The following KIAA0930 variants were observed in gnomAD, a reference collection of about 807,000 sequenced individuals.
KIAA0930 encodes the protein KIAA0930.
Under a neutral mutation model 43.9 loss-of-function variants are expected in KIAA0930, and 24 were observed. That is an observed-to-expected ratio of 0.55 (90% CI 0.40 to 0.77). The LOEUF is 0.77. KIAA0930 is among the 30% of genes least tolerant of loss of function. KIAA0930 has a pLI of 0.00. For missense variants in KIAA0930, 461 were observed against 574.2 expected, an observed-to-expected ratio of 0.80 and a Z score of 2.02; for synonymous variants, 259 against 216.4, an observed-to-expected ratio of 1.20 and a Z score of -1.73.
intron 1 of KIAA0930, among the ~76,000 whole-genome samples, chr22:45,218,114 C>T (rs527429953): frequency 1.3e-5 from 2 of 152,140 alleles, no homozygotes; most frequent in Non-Finnish European, 2.9e-5. Flanking sequence ...GAGCGAGGAA[C>T]GTGATGACAG....
Position 45,237,365 on chromosome 22 carries a change from C to T in KIAA0930, c.64+3275G>A, listed in dbSNP as rs538210140. Among the ~76,000 whole-genome samples the T allele has an allele frequency of 4.5e-4, 68 of 152,284 alleles. 3 individuals are homozygous for T. The highest frequency in any genetic ancestry group is 1.5e-3 in the African/African-American group (62 of 41,592). ...GGGATCAGGGCCCAACACTCCCGCC[C>T]CCTCTCAGTACAGAGCAAGTGCTCA... On this transcript the variant is annotated intron_variant, in intron 1 of 9. Transcript: ENST00000336156.
In KIAA0930 at chr22:45,203,838, C is replaced by T. The variant is rs918237449; in HGVS notation, c.657+7G>A. On this transcript the variant is annotated splice_region_variant and intron_variant, in intron 6 of 9. Coordinates refer to ENST00000336156, the MANE Select transcript of KIAA0930 (RefSeq NM_001009880.2). Reference sequence around the variant, plus strand: ...GAAGAACACCCGTGAGGCCGCCCCGCACTCACCCGGTTGTCATACACCTTC... The same window carrying T: ...GAAGAACACCCGTGAGGCCGCCCCGTACTCACCCGGTTGTCATACACCTTC... 3.7e-6 allele frequency: 6 copies of T among 1,613,516 alleles called. No homozygotes were observed. Among genetic ancestry groups the T allele is most frequent in the Non-Finnish European group, 4.2e-6 (5 of 1,179,758 alleles).
At chr22:45,218,333 ATTTTTTTTTTTT>A (rs752298111) in intron 1 of KIAA0930, among the ~76,000 whole-genome samples, 2 of 51,706 alleles carry the variant, frequency 3.9e-5, no homozygotes, top group Middle Eastern at 0.02. Flanking sequence ...AATTTTTTTG[ATTTTTTTTTTTT>A]TTTTTTTTTT....
intron 2 of KIAA0930, 96 bp downstream of exon 2, chr22:45,211,860 A>G: frequency 8.1e-7 from 1 of 1,228,384 alleles, no homozygotes; most frequent in Admixed American, 2.0e-5. Flanking sequence ...TTTGATATGC[A>G]TGAGCACTGT....
intron 2 of KIAA0930, among the ~76,000 whole-genome samples, chr22:45,206,159 G>A (rs1338619351): frequency 6.6e-6 from 1 of 152,172 alleles, no homozygotes; most frequent in Non-Finnish European, 1.5e-5. Flanking sequence ...GGGACCACAG[G>A]CACGTGCTAC....
At position 45,210,303 on chromosome 22, in the gene KIAA0930, G is replaced by A. The variant is rs959088209; in HGVS notation, c.216+1653C>T. ...TGGGGTCCACAGCCCTGGGACGACA[G>A]AGGGCCTGAGCCTCCGAGTTCCGGT... On this transcript the variant is annotated intron_variant, in intron 2 of 9. Transcript: ENST00000336156. Among the ~76,000 whole-genome samples, 3 of 152,316 alleles carry A rather than the reference G, an allele frequency of 2.0e-5. No individual in the cohort carries two copies. The South Asian group carries it at 6.2e-4, about 32-fold the overall frequency.
intron 5 of KIAA0930, among the ~76,000 whole-genome samples, 187 bp downstream of exon 5, chr22:45,205,030 G>A (rs542990733): frequency 6.6e-5 from 10 of 152,262 alleles, no homozygotes; most frequent in African/African-American, 1.9e-4. Flanking sequence ...CGGAGGCTGC[G>A]CCGGGGAAAT....
At chr22:45,218,645 C>T (rs1347940186) in intron 1 of KIAA0930, among the ~76,000 whole-genome samples, 1 of 152,094 alleles carries the variant, frequency 6.6e-6, no homozygotes, top group Non-Finnish European at 1.5e-5. Context: ...AGCTGAGACA[C>T]AAACCCAGCC....
chr22:45,231,204 G>A (rs2083851154), intron 1 of KIAA0930, among the ~76,000 whole-genome samples: 1 of 134,936 alleles, frequency 7.4e-6, no homozygotes, highest in Non-Finnish European at 1.5e-5. Context: ...AGTGAGCCAA[G>A]ATCTGAGACT....
chr22:45,204,859 G>A (rs1360101538), intron 5 of KIAA0930, among the ~76,000 whole-genome samples: 1 of 152,034 alleles, frequency 6.6e-6, no homozygotes, highest in Non-Finnish European at 1.5e-5. Context: ...GCGTGGAGGC[G>A]CTTCTTTATC....
In KIAA0930 at chr22:45,197,048, G is replaced by A; in HGVS notation, c.*128C>T. The A allele has an allele frequency of 1.3e-6, 1 of 772,378 alleles. No individual in the cohort carries two copies. Among genetic ancestry groups the A allele is most frequent in the Non-Finnish European group, 2.0e-6 (1 of 501,150 alleles). The allele number at this position is 772,378 out of a possible 1,614,324, so 47.8% of individuals were successfully genotyped here. ...TCGGCCCCGGCCCCGGGAGTCGAGT[G>A]GCCTCGCCTGGCTGCGGCTCCAGCA... On this transcript the variant is annotated 3_prime_UTR_variant, in exon 10 of 10. Transcript: ENST00000336156.
At chr22:45,212,479 G>C (rs11090732) in intron 1 of KIAA0930, 513,359 of 1,437,068 alleles carry the variant, frequency 0.36, 95,933 homozygotes, top group East Asian at 0.62. Flanking sequence ...AGGCTTGGCT[G>C]GGGGGGAGCC....
chr22:45,205,770 G>GGGGGGGGCC, intron 3 of KIAA0930, 23 bp downstream of exon 3: 1 of 1,523,786 alleles, frequency 6.6e-7, no homozygotes, highest in Non-Finnish European at 9.1e-7. Flanking sequence ...CCAATCCGCA[G>GGGGGGGGCC]CCCCACCCAT....
intron 1 of KIAA0930, among the ~76,000 whole-genome samples, chr22:45,227,319 C>CCAA (rs1214460097): frequency 6.6e-6 from 1 of 152,210 alleles, no homozygotes; most frequent in Non-Finnish European, 1.5e-5. Flanking sequence ...CACTCCCACA[C>CCAA]CAACCCTCAT....
intron 2 of KIAA0930, among the ~76,000 whole-genome samples, chr22:45,206,272 C>A (rs970385100): frequency 6.6e-6 from 1 of 152,184 alleles, no homozygotes; most frequent in African/African-American, 2.4e-5. Flanking sequence ...CTGCCTCGAC[C>A]TCCCAAAGTA....
At chr22:45,227,186 G>A (rs1293031092) in intron 1 of KIAA0930, among the ~76,000 whole-genome samples, 2 of 152,324 alleles carry the variant, frequency 1.3e-5, no homozygotes, top group South Asian at 2.1e-4. Flanking sequence ...GCAAGGCAAC[G>A]ACACACCACA....
Position 45,197,073 on chromosome 22 carries a change from ACTGGCGTGC to A in KIAA0930, c.*94_*102del. On this transcript the variant is annotated 3_prime_UTR_variant, in exon 10 of 10. Coordinates refer to ENST00000336156, the MANE Select transcript of KIAA0930 (RefSeq NM_001009880.2). ...GGCCTCGCCTGGCTGCGGCTCCAGC[ACTGGCGTGC>A]CATCGCAGACCCCGGTGGCGGTGGA... The A allele has an allele frequency of 2.0e-6, 2 of 1,009,530 alleles. No individual in the cohort carries two copies. Among genetic ancestry groups the A allele is most frequent in the Non-Finnish European group, 2.8e-6 (2 of 714,634 alleles). The allele number at this position is 1,009,530 out of a possible 1,614,324, so 62.5% of individuals were successfully genotyped here.
At chr22:45,228,869 C>A (rs1410070627) in intron 1 of KIAA0930, among the ~76,000 whole-genome samples, 1 of 58,922 alleles carries the variant, frequency 1.7e-5, no homozygotes. Context: ...CCAACCACCA[C>A]TCACCCGAAA....
intron 7 of KIAA0930, 144 bp from the exon 8 acceptor site, chr22:45,200,179 G>A (rs770093695): frequency 1.8e-5 from 14 of 776,704 alleles, no homozygotes; most frequent in East Asian, 6.5e-5. Flanking sequence ...AGGCCCAGCC[G>A]GCCCGTGCTA....
Sources: gnomAD v4.1 joint callset for allele counts (sites outside exome capture counted in the v4.1 genomes callset) on GRCh38, gnomAD v4.1.1 for gene constraint, MANE v1.5 for transcripts, NCBI Gene and HGNC (gene_info 2026-07-23, HGNC 2026-07-21) for gene names.